KDM1B: variants seen among roughly 807,000 people sequenced by gnomAD.
The protein encoded by KDM1B is lysine-specific histone demethylase 2.
In KDM1B, 63 loss-of-function variants were observed where a neutral mutation model predicts 107.4. That is an observed-to-expected ratio of 0.59 (90% CI 0.48 to 0.72). KDM1B has a LOEUF of 0.72. Ranked by LOEUF, KDM1B falls within the 30% of genes least tolerant of loss-of-function variation. The pLI, the probability that KDM1B is intolerant of heterozygous loss-of-function variation, is 0.00. For missense variants in KDM1B, 749 were observed against 1,020.8 expected, an observed-to-expected ratio of 0.73 and a Z score of 3.63; for synonymous variants, 363 against 363.9, an observed-to-expected ratio of 1.00 and a Z score of 0.03.
rs557900212 is a variant in KDM1B at position 18,207,026 on chromosome 6, G to T, written c.1660-372G>T. ...TGGAGTCATGCTATTTTCCAAAATC[G>T]TGCAGGGTTTCTATTCTGTAGAGCT... On this transcript the variant is annotated intron_variant, in intron 15 of 21. Transcript: ENST00000650836. Among the ~76,000 whole-genome samples, 7 of 152,156 alleles carry T rather than the reference G, an allele frequency of 4.6e-5. 1 individual carries two copies. Among genetic ancestry groups the T allele is most frequent in the African/African-American group, 1.7e-4 (7 of 41,522 alleles).
chr6:18,176,128 T>C (rs1470219826), intron 7 of KDM1B, among the ~76,000 whole-genome samples: 2 of 152,220 alleles, frequency 1.3e-5, no homozygotes, highest in African/African-American at 4.8e-5. Flanking sequence ...TATGATTTCT[T>C]CCAGCAGTGT....
chr6:18,217,645 G>A lies in KDM1B; in HGVS notation c.2233-88G>A. On this transcript the variant is annotated intron_variant, in intron 20 of 21. Coordinates refer to ENST00000650836, the MANE Select transcript of KDM1B (RefSeq NM_001364614.2). ...ACCCGCCTTAGCCTCCCAAAGTGCT[G>A]GGATGGGACTACAGGCATGAGTCAC... 14 of 1,093,274 alleles carry A rather than the reference G, an allele frequency of 1.3e-5. No homozygotes were observed. In the South Asian group the frequency reaches 2.0e-4, roughly 16 times the overall value. The allele number at this position is 1,093,274 out of a possible 1,614,324, so 67.7% of individuals were successfully genotyped here. A position where few individuals can be genotyped will look rare whatever the true frequency, so the allele number is the denominator to read the frequency against.
chr6:18,201,199 A>G lies in KDM1B; in HGVS notation c.1360-287A>G, dbSNP rs1278332672. Among the ~76,000 whole-genome samples, 2 of 152,224 alleles carry G rather than the reference A, an allele frequency of 1.3e-5. No homozygotes were observed. The highest frequency in any genetic ancestry group is 2.9e-5 in the Non-Finnish European group (2 of 68,042). ...GGAGACAGAATGTTTGAGCAAGGACAGGCAGTGTCTAGCATCTGAAACATT... is the reference window on the plus strand; with the variant it reads ...GGAGACAGAATGTTTGAGCAAGGACGGGCAGTGTCTAGCATCTGAAACATT... On this transcript the variant is annotated intron_variant, in intron 13 of 21. Coordinates refer to ENST00000650836, the MANE Select transcript of KDM1B (RefSeq NM_001364614.2). The surrounding 1 kb of genome is among the most constrained non-coding windows in gnomAD (Gnocchi z 4.3).
At position 18,205,306 on chromosome 6, in the gene KDM1B, T is replaced by A. The variant is rs1021729900; in HGVS notation, c.1532-231T>A. ...ATAGCTTTGTTTCCGGTTGTGCACATGTACCCTAAAACTTAAAGTATAATA... is the reference window on the plus strand; with the variant it reads ...ATAGCTTTGTTTCCGGTTGTGCACAAGTACCCTAAAACTTAAAGTATAATA... On this transcript the variant is annotated intron_variant, in intron 14 of 21. Transcript: ENST00000650836. This position sits in a 1 kb window ranked among gnomAD's most constrained non-coding sequence, Gnocchi z 5.7. Among the ~76,000 whole-genome samples the A allele has an allele frequency of 2.6e-5, 4 of 152,062 alleles. 1 individual carries two copies. Among genetic ancestry groups the A allele is most frequent in the Admixed American group, 2.0e-4 (3 of 15,256 alleles).
intron 9 of KDM1B, among the ~76,000 whole-genome samples, chr6:18,190,131 C>G (rs541195098): frequency 6.7e-6 from 1 of 149,460 alleles, no homozygotes; most frequent in African/African-American, 2.5e-5. Flanking sequence ...GCCTGGGTGA[C>G]AGAACAAGAC....
chr6:18,176,749 T>C (rs896150791), intron 7 of KDM1B, among the ~76,000 whole-genome samples: 2 of 152,212 alleles, frequency 1.3e-5, no homozygotes, highest in African/African-American at 4.8e-5. Flanking sequence ...TTATGTGGTA[T>C]ATCACATTTA....
chr6:18,217,702 C>T, intron 20 of KDM1B, 31 bp from the exon 21 acceptor site: 1 of 1,600,570 alleles, frequency 6.2e-7, no homozygotes, highest in Non-Finnish European at 8.5e-7. Context: ...CTTCTTGATC[C>T]TACTTCATAA....
chr6:18,208,603 G>GTATGTATATATATATATATATATATA (rs869173486), intron 17 of KDM1B, among the ~76,000 whole-genome samples: 3 of 34,896 alleles, frequency 8.6e-5, no homozygotes, highest in Admixed American at 5.7e-4. Flanking sequence ...GTATGTGTAT[G>GTATGTATATATATATATATATATATA]TATATATATA....
intron 10 of KDM1B, among the ~76,000 whole-genome samples, chr6:18,195,484 AG>A (rs1311269911): frequency 1.3e-5 from 2 of 152,242 alleles, no homozygotes; most frequent in African/African-American, 4.8e-5. Context: ...CTGTAGTCCC[AG>A]CACTTTGGGA....
At chr6:18,182,595 G>GT (rs1379479615) in intron 7 of KDM1B, among the ~76,000 whole-genome samples, 1 of 151,810 alleles carries the variant, frequency 6.6e-6, no homozygotes, top group Non-Finnish European at 1.5e-5. Context: ...CTGGAGTACA[G>GT]TGGCATCCTC....
At chr6:18,184,255 CTA>C (rs1319763457) in intron 7 of KDM1B, among the ~76,000 whole-genome samples, 3 of 147,474 alleles carry the variant, frequency 2.0e-5, no homozygotes, top group African/African-American at 7.4e-5. Context: ...GTATCCTACA[CTA>C]TGATTGTTCT....
intron 7 of KDM1B, among the ~76,000 whole-genome samples, chr6:18,177,743 A>G (rs1261863207): frequency 6.6e-6 from 1 of 151,682 alleles, no homozygotes; most frequent in South Asian, 2.1e-4. Flanking sequence ...TTTAATTGGG[A>G]CATAGCCATG....
intron 21 of KDM1B, among the ~76,000 whole-genome samples, chr6:18,219,355 CTCTT>C (rs1163179142): frequency 2.6e-5 from 4 of 151,290 alleles, no homozygotes; most frequent in East Asian, 1.9e-4. Context: ...TGAGTTTTTT[CTCTT>C]TCTTTCTAGA....
Position 18,197,542 on chromosome 6 carries a change from G to T in KDM1B, c.1147-45G>T, listed in dbSNP as rs139835582. ...TCCGGAACAACTAAAACAGGACGTT[G>T]TTATCATCTGCTCTAATTGGACTTT... On this transcript the variant is annotated intron_variant, in intron 11 of 21. Transcript: ENST00000650836. The surrounding 1 kb of genome is among the most constrained non-coding windows in gnomAD (Gnocchi z 4.5). 369 of 1,459,904 alleles carry T rather than the reference G, an allele frequency of 2.5e-4. No individual in the cohort carries two copies. The highest frequency in any genetic ancestry group is 1.0e-3 in the Middle Eastern group (6 of 5,788). The allele number at this position is 1,459,904 out of a possible 1,614,324, so 90.4% of individuals were successfully genotyped here. A position where few individuals can be genotyped will look rare whatever the true frequency, so the allele number is the denominator to read the frequency against.
rs374355920 is a variant in KDM1B at position 18,217,876 on chromosome 6, C to T, written c.2376C>T (p.Phe792=). The T allele has an allele frequency of 1.8e-5, 29 of 1,611,190 alleles. No individual in the cohort carries two copies. Among genetic ancestry groups the T allele is most frequent in the South Asian group, 1.1e-4 (10 of 90,800 alleles). The change falls in exon 21 of 22, where the codon TTC becomes TTT. Residue 792 remains phenylalanine, a synonymous_variant. Transcript: ENST00000650836. ...AAGACATTCAAGGAACCGTCTTTTT[C>T]GCTGGTGAGGTATGGATCTTGATTC... ...IAEDIQGTVF[F]AGEATNRHFP...
At chr6:18,196,282 A>T (rs1025018151) in intron 10 of KDM1B, among the ~76,000 whole-genome samples, 1 of 152,200 alleles carries the variant, frequency 6.6e-6, no homozygotes, top group African/African-American at 2.4e-5. Context: ...TAATGCTGCA[A>T]TGAACATGGG....
chr6:18,163,680 T>C (rs918516123), intron 5 of KDM1B, among the ~76,000 whole-genome samples: 1 of 152,220 alleles, frequency 6.6e-6, no homozygotes, highest in African/African-American at 2.4e-5. Context: ...TTTTGATCTA[T>C]AGATTATTTA....
At chr6:18,192,350 C>G (rs1787333290) in intron 10 of KDM1B, among the ~76,000 whole-genome samples, 1 of 152,162 alleles carries the variant, frequency 6.6e-6, no homozygotes, top group African/African-American at 2.4e-5. Flanking sequence ...GAATTCAGAA[C>G]ATTGTGCAAG....
At chr6:18,193,194 T>TAAAA (rs541938365) in intron 10 of KDM1B, among the ~76,000 whole-genome samples, 10 of 60,020 alleles carry the variant, frequency 1.7e-4, no homozygotes, top group African/African-American at 2.2e-4. Flanking sequence ...AAACTCTGTC[T>TAAAA]AAAAAAAAAA....
Sources: gnomAD v4.1 joint callset for allele counts (sites outside exome capture counted in the v4.1 genomes callset) on GRCh38, gnomAD v4.1.1 for gene constraint, Gnocchi (gnomAD v3.1) non-coding constraint, MANE v1.5 for transcripts, NCBI Gene and HGNC (gene_info 2026-07-23, HGNC 2026-07-21) for gene names.